The following NFIL3 variants were observed in gnomAD, a reference collection of about 807,000 sequenced individuals.
NFIL3 encodes the protein nuclear factor, interleukin 3 regulated.
NFIL3 carries 5 observed loss-of-function variants against 10.0 expected under a neutral mutation model. The observed-to-expected ratio is 0.50, with a 90% CI of 0.26 to 1.06. The LOEUF is 1.06. Among genes scored for constraint, NFIL3 ranks in the 50% least tolerant of loss-of-function variants. The pLI, the probability that NFIL3 is intolerant of heterozygous loss-of-function variation, is 0.13. For synonymous variants in NFIL3, 202 were observed against 206.5 expected (o/e 0.98, Z 0.19); for missense variants, 436 against 547.6 (o/e 0.80, Z 2.03).
At chr9:91,462,832 G>C in the NFIL3 span, among the ~76,000 whole-genome samples, 14 of 101,916 alleles carry the variant, frequency 1.4e-4, no homozygotes, top group Admixed American at 1.2e-3. Context: ...TTTTGGGGGT[G>C]GGGGGAGGGA....
At chr9:91,440,284 A>ATTTG in the NFIL3 span, among the ~76,000 whole-genome samples, 12 of 152,094 alleles carry the variant, frequency 7.9e-5, no homozygotes, top group South Asian at 1.7e-3. Flanking sequence ...AAGTCATCCA[A>ATTTG]TTTGTTTGGC....
the NFIL3 span, among the ~76,000 whole-genome samples, chr9:91,435,841 T>A: frequency 1.3e-5 from 2 of 152,226 alleles, no homozygotes; most frequent in African/African-American, 4.8e-5. Context: ...TAATACTAGC[T>A]GGATTTTTAC....
At chr9:91,452,018 G>A in the NFIL3 span, among the ~76,000 whole-genome samples, 1 of 152,136 alleles carries the variant, frequency 6.6e-6, no homozygotes, top group Non-Finnish European at 1.5e-5. Context: ...TCAACCATCT[G>A]AATGGAAGCC....
the NFIL3 span, among the ~76,000 whole-genome samples, chr9:91,456,151 T>C: frequency 2.6e-5 from 4 of 152,232 alleles, no homozygotes; most frequent in Admixed American, 6.5e-5. Flanking sequence ...TGTATGGATA[T>C]ACATGTATCC....
At chr9:91,481,379 AC>A in the NFIL3 span, among the ~76,000 whole-genome samples, 10 of 152,216 alleles carry the variant, frequency 6.6e-5, no homozygotes, top group African/African-American at 2.4e-4. Flanking sequence ...GTCATAAGAT[AC>A]ATATTGCCGT....
the NFIL3 span, among the ~76,000 whole-genome samples, chr9:91,448,421 C>G: frequency 1.4e-4 from 22 of 152,234 alleles, no homozygotes; most frequent in African/African-American, 5.3e-4. Context: ...ACCAAGGAAG[C>G]CAGGCTCTTT....
chr9:91,423,609 G>T (rs1294241570), intron 1 of NFIL3, 31 bp downstream of exon 1: 1 of 146,632 alleles, frequency 6.8e-6, no homozygotes, highest in Non-Finnish European at 1.5e-5. Flanking sequence ...CGGTCGCCGG[G>T]CCCCCGGCCG....
At chr9:91,441,473 T>A in the NFIL3 span, among the ~76,000 whole-genome samples, 1 of 152,136 alleles carries the variant, frequency 6.6e-6, no homozygotes, top group South Asian at 2.1e-4. Context: ...CCACTCTATG[T>A]CTTTTGGTTG....
At chr9:91,424,047 C>T (rs570886606), upstream of NFIL3, among the ~76,000 whole-genome samples, 1 of 150,506 alleles carries the variant, frequency 6.6e-6, no homozygotes, top group Non-Finnish European at 1.5e-5. Context: ...GCTCGCGTCC[C>T]TCCCCGGCCA....
At chr9:91,418,151 C>T (rs1447055858) in intron 1 of NFIL3, among the ~76,000 whole-genome samples, 6 of 152,132 alleles carry the variant, frequency 3.9e-5, no homozygotes, top group East Asian at 3.8e-4. Flanking sequence ...AGCACATACA[C>T]GCTAGCACGA....
the NFIL3 span, among the ~76,000 whole-genome samples, chr9:91,437,993 A>G: frequency 0.2 from 30,125 of 152,120 alleles, 3,963 homozygotes; most frequent in African/African-American, 0.37. Context: ...CCTTTATGAA[A>G]TGGTGACTTT....
At chr9:91,416,392 G>A (rs1451187627) in intron 1 of NFIL3, among the ~76,000 whole-genome samples, 1 of 151,986 alleles carries the variant, frequency 6.6e-6, no homozygotes, top group African/African-American at 2.4e-5. Flanking sequence ...AAAGCCTCAG[G>A]ATTTATGCTA....
At chr9:91,434,096 A>G in the NFIL3 span, among the ~76,000 whole-genome samples, 136 of 152,310 alleles carry the variant, frequency 8.9e-4, no homozygotes, top group Admixed American at 2.4e-3. Context: ...TCAAAATTCT[A>G]ATGGATATTT....
chr9:91,467,263 G>GTA, the NFIL3 span, among the ~76,000 whole-genome samples: 2 of 151,990 alleles, frequency 1.3e-5, no homozygotes, highest in African/African-American at 2.4e-5. Flanking sequence ...ATGTGTGTAT[G>GTA]TATACATGTG....
upstream of NFIL3, among the ~76,000 whole-genome samples, chr9:91,425,025 A>G (rs1833855132): frequency 6.6e-6 from 1 of 151,524 alleles, no homozygotes; most frequent in African/African-American, 2.4e-5. Context: ...GATAGTGGTC[A>G]GTGCTGGCCT....
At chr9:91,440,723 A>G in the NFIL3 span, among the ~76,000 whole-genome samples, 2 of 152,006 alleles carry the variant, frequency 1.3e-5, no homozygotes, top group East Asian at 3.9e-4. Flanking sequence ...ATTGGTCTCA[A>G]GGTATTTACA....
chr9:91,465,695 G>A, the NFIL3 span, among the ~76,000 whole-genome samples: 1 of 151,720 alleles, frequency 6.6e-6, no homozygotes, highest in Non-Finnish European at 1.5e-5. Context: ...TGCTTGACGT[G>A]CTATATTGGT....
chr9:91,444,060 C>T, the NFIL3 span, among the ~76,000 whole-genome samples: 2 of 152,326 alleles, frequency 1.3e-5, no homozygotes, highest in South Asian at 4.1e-4. Context: ...TTCCATGTTG[C>T]AAGCATTTGT....
At chr9:91,422,855 A>C (rs1305930707) in intron 1 of NFIL3, among the ~76,000 whole-genome samples, 8 of 152,108 alleles carry the variant, frequency 5.3e-5, no homozygotes, top group Admixed American at 3.3e-4. Context: ...TCGTTTTAAA[A>C]CCTGTTTATT....
Sources: gnomAD v4.1 joint callset for allele counts (sites outside exome capture counted in the v4.1 genomes callset) on GRCh38, gnomAD v4.1.1 for gene constraint, MANE v1.5 for transcripts, NCBI Gene and HGNC (gene_info 2026-07-23, HGNC 2026-07-21) for gene names.